The following KCNAB1 variants were observed in gnomAD, a reference collection of about 807,000 sequenced individuals.
KCNAB1 encodes voltage-gated potassium channel subunit beta-1.
In KCNAB1, 35 loss-of-function variants were observed where a neutral mutation model predicts 64.6. That is an observed-to-expected ratio of 0.54 (90% CI 0.41 to 0.72). KCNAB1 has a LOEUF of 0.72. KCNAB1 is among the 30% of genes least tolerant of loss of function. The probability of loss-of-function intolerance (pLI) is 0.00; values close to 1 mark genes in which losing one functional copy is unlikely to be tolerated. For synonymous variants in KCNAB1, 177 were observed against 183.8 expected, an observed-to-expected ratio of 0.96 and a Z score of 0.30; for missense variants, 401 against 512.9, an observed-to-expected ratio of 0.78 and a Z score of 2.11.
At chr3:156,461,927 G>A (rs1712944631) in intron 5 of KCNAB1, among the ~76,000 whole-genome samples, 1 of 152,176 alleles carries the variant, frequency 6.6e-6, no homozygotes, top group Non-Finnish European at 1.5e-5. Flanking sequence ...GCCTATAAAA[G>A]CTGTTTCAAC....
intron 2 of KCNAB1, among the ~76,000 whole-genome samples, chr3:156,424,222 G>A (rs1021500188): frequency 6.6e-6 from 1 of 152,100 alleles, no homozygotes; most frequent in African/African-American, 2.4e-5. Context: ...AGAATGAGAG[G>A]GAGTGACCAG....
At chr3:156,162,034 G>C (rs1340340085) in intron 1 of KCNAB1, among the ~76,000 whole-genome samples, 1 of 152,118 alleles carries the variant, frequency 6.6e-6, no homozygotes, top group Non-Finnish European at 1.5e-5. Flanking sequence ...TGAATTTTTT[G>C]GTCTTGATAT....
intron 8 of KCNAB1, among the ~76,000 whole-genome samples, chr3:156,496,426 C>T (rs150439654): frequency 2.2e-4 from 33 of 152,232 alleles, no homozygotes; most frequent in African/African-American, 7.9e-4. Flanking sequence ...CCTGCACATG[C>T]TCTTTTGCCT....
chr3:156,264,132 A>C (rs980258953), intron 1 of KCNAB1, among the ~76,000 whole-genome samples: 5 of 152,162 alleles, frequency 3.3e-5, no homozygotes, highest in Non-Finnish European at 5.9e-5. Flanking sequence ...TTACTAATGT[A>C]CTGGCAGTTC....
intron 8 of KCNAB1, among the ~76,000 whole-genome samples, chr3:156,513,371 G>C (rs1717347104): frequency 6.6e-6 from 1 of 152,116 alleles, no homozygotes; most frequent in African/African-American, 2.4e-5. Context: ...TACATCTACT[G>C]CAACTCTACT....
chr3:156,362,169 AGT>A (rs59369550), intron 1 of KCNAB1, among the ~76,000 whole-genome samples: 2,395 of 152,322 alleles, frequency 0.016, 62 homozygotes, highest in African/African-American at 0.053. Flanking sequence ...AAGACTGAAA[AGT>A]GTACAGTGAA....
At chr3:156,245,993 A>G (rs1229481153) in intron 1 of KCNAB1, among the ~76,000 whole-genome samples, 2 of 152,098 alleles carry the variant, frequency 1.3e-5, no homozygotes, top group East Asian at 3.9e-4. Context: ...AAAGACTAAC[A>G]GCATTTAAAA....
chr3:156,392,177 T>C (rs958969251), intron 1 of KCNAB1, among the ~76,000 whole-genome samples: 5 of 152,196 alleles, frequency 3.3e-5, no homozygotes, highest in African/African-American at 7.2e-5. Context: ...TTCTATGGTG[T>C]ATGTTTCTGA....
intron 1 of KCNAB1, among the ~76,000 whole-genome samples, chr3:156,257,033 G>A (rs1256201960): frequency 6.6e-6 from 1 of 152,192 alleles, no homozygotes; most frequent in Non-Finnish European, 1.5e-5. Context: ...GCCATTACTA[G>A]GCCTCAGCTA....
chr3:156,230,900 A>G (rs943260714), intron 1 of KCNAB1, among the ~76,000 whole-genome samples: 7 of 152,246 alleles, frequency 4.6e-5, no homozygotes, highest in African/African-American at 1.7e-4. Context: ...CACACTTTAG[A>G]GAGTCAACAC....
At chr3:156,374,904 A>G (rs1175662608) in intron 1 of KCNAB1, among the ~76,000 whole-genome samples, 1 of 136,112 alleles carries the variant, frequency 7.3e-6, no homozygotes, top group African/African-American at 3.3e-5. Flanking sequence ...TGATTAATAG[A>G]CGTGAGTTCT....
intron 1 of KCNAB1, among the ~76,000 whole-genome samples, chr3:156,294,314 C>T (rs566543517): frequency 6.6e-6 from 1 of 152,174 alleles, no homozygotes; most frequent in Non-Finnish European, 1.5e-5. Context: ...CAAGATGCCT[C>T]TTTTTCACTT....
intron 1 of KCNAB1, among the ~76,000 whole-genome samples, chr3:156,248,469 ATTTTTTTTTT>A (rs33915450): frequency 1.0e-5 from 1 of 100,142 alleles, no homozygotes; most frequent in Non-Finnish European, 2.0e-5. Context: ...CTGTAATGAG[ATTTTTTTTTT>A]TTTTTTTTTT....
At chr3:156,145,287 T>C (rs534304393) in intron 1 of KCNAB1, among the ~76,000 whole-genome samples, 3 of 152,334 alleles carry the variant, frequency 2.0e-5, no homozygotes, top group African/African-American at 7.2e-5. Context: ...CTCTAAATTA[T>C]GATGAGCTTG....
At chr3:156,212,431 A>G (rs1715067749) in intron 1 of KCNAB1, among the ~76,000 whole-genome samples, 1 of 152,228 alleles carries the variant, frequency 6.6e-6, no homozygotes, top group African/African-American at 2.4e-5. Flanking sequence ...TTCCACAATC[A>G]AGAGCTAATT....
intron 1 of KCNAB1, among the ~76,000 whole-genome samples, chr3:156,417,966 C>T (rs1280805986): frequency 6.6e-6 from 1 of 152,236 alleles, no homozygotes; most frequent in Admixed American, 6.5e-5. Flanking sequence ...GCTAAGTGTT[C>T]TGTGCCTCCA....
At position 156,538,199 on chromosome 3, in the gene KCNAB1, A is replaced by G. The variant is rs1421847824; in HGVS notation, c.*1452A>G. On this transcript the variant is annotated 3_prime_UTR_variant, in exon 14 of 14. Coordinates refer to ENST00000490337, the MANE Select transcript of KCNAB1 (RefSeq NM_172160.3). Reference sequence around the variant, plus strand: ...AGTGGCCCTTTAACTCTATTTGGCTATCTGAGGATGTACAAAATTCTCATT... The same window carrying G: ...AGTGGCCCTTTAACTCTATTTGGCTGTCTGAGGATGTACAAAATTCTCATT... 1 of 150,962 alleles carries G rather than the reference A, an allele frequency of 6.6e-6. No individual in the cohort carries two copies. The highest frequency in any genetic ancestry group is 1.5e-5 in the Non-Finnish European group (1 of 67,876). The allele number at this position is 150,962 out of a possible 1,614,324, so 9.4% of individuals were successfully genotyped here. A position where few individuals can be genotyped will look rare whatever the true frequency, so the allele number is the denominator to read the frequency against.
intron 1 of KCNAB1, among the ~76,000 whole-genome samples, chr3:156,199,623 G>C (rs943045808): frequency 1.3e-5 from 2 of 152,078 alleles, no homozygotes; most frequent in African/African-American, 2.4e-5. Flanking sequence ...ATTGATACTT[G>C]TGTATGCTTC....
intron 1 of KCNAB1, among the ~76,000 whole-genome samples, chr3:156,236,612 A>C (rs993944697): frequency 2.6e-5 from 4 of 152,178 alleles, no homozygotes; most frequent in African/African-American, 9.7e-5. Flanking sequence ...GATTACATCA[A>C]CTTGATACTT....
Sources: allele counts gnomAD v4.1 joint callset (sites outside exome capture counted in the v4.1 genomes callset), GRCh38; gene constraint gnomAD v4.1.1; transcripts MANE v1.5; gene names NCBI Gene and HGNC (gene_info 2026-07-23, HGNC 2026-07-21).